Variants in GPC6 observed in about 807,000 individuals in gnomAD.
GPC6 encodes the protein glypican 6, also known as glypican-6.
GPC6 carries 14 observed loss-of-function variants against 55.2 expected under a neutral mutation model. That is an observed-to-expected ratio of 0.25 (90% confidence interval 0.17 to 0.40). The LOEUF is 0.40. GPC6 is among the 10% of genes least tolerant of loss of function. The pLI is 1.00. For missense variants in GPC6, 641 were observed against 708.5 expected, an observed-to-expected ratio of 0.90 and a Z score of 1.08; for synonymous variants, 278 against 259.6, an observed-to-expected ratio of 1.07 and a Z score of -0.68.
intron 2 of GPC6, among the ~76,000 whole-genome samples, chr13:93,722,909 G>A (rs1420435242): frequency 6.6e-6 from 1 of 151,726 alleles, no homozygotes; most frequent in Non-Finnish European, 1.5e-5. Context: ...AAGGACACTA[G>A]TCATATTGGA....
chr13:94,336,394 C>T (rs923982985), intron 6 of GPC6, among the ~76,000 whole-genome samples: 4 of 152,246 alleles, frequency 2.6e-5, no homozygotes, highest in African/African-American at 9.6e-5. Flanking sequence ...GTTGTGGCTG[C>T]CAGTGATTCC....
In GPC6 at chr13:94,406,495, TTGTATCACCTGCTTTAAA is replaced by T. The variant is rs1298949040; in HGVS notation, c.*3283_*3300del. ...ACTTACCTAGCTAGCATCAAGTAAC[TTGTATCACCTGCTTTAAA>T]TGTAAGGGATAGAAAATACTATTTT... On this transcript the variant is annotated 3_prime_UTR_variant, in exon 9 of 9. Transcript: ENST00000377047. 2 of 152,164 alleles carry T rather than the reference TTGTATCACCTGCTTTAAA, an allele frequency of 1.3e-5. No individual in the cohort carries two copies. The highest frequency in any genetic ancestry group is 2.9e-5 in the Non-Finnish European group (2 of 67,984). The allele number at this position is 152,164 out of a possible 1,614,324, so 9.4% of individuals were successfully genotyped here. A position where few individuals can be genotyped will look rare whatever the true frequency, so the allele number is the denominator to read the frequency against.
chr13:94,136,438 C>T (rs189848016), intron 4 of GPC6, among the ~76,000 whole-genome samples: 64 of 152,224 alleles, frequency 4.2e-4, no homozygotes, highest in East Asian at 1.9e-4. Context: ...TTGCTGGGCG[C>T]GGTGGCTCAC....
Position 94,292,230 on chromosome 13 carries a change from C to A in GPC6, c.1008+5751C>A, listed in dbSNP as rs1332028190. ...GCAAAGGGTAGAAGAGCATCTGATT[C>A]CAAAGCCCATCTCGCTAATCGATGC... is the stretch of plus-strand genomic sequence containing the variant. On this transcript the variant is annotated intron_variant, in intron 5 of 8. Coordinates refer to ENST00000377047, the MANE Select transcript of GPC6 (RefSeq NM_005708.5). Among the ~76,000 whole-genome samples the A allele has an allele frequency of 2.0e-5, 3 of 149,474 alleles. No individual in the cohort carries two copies. In the Admixed American group the frequency reaches 2.0e-4, roughly 10 times the overall value.
chr13:93,942,665 T>A (rs1878796116), intron 3 of GPC6, among the ~76,000 whole-genome samples: 1 of 152,124 alleles, frequency 6.6e-6, no homozygotes, highest in Non-Finnish European at 1.5e-5. Context: ...ATTTCATCAC[T>A]GTTGCCATAG....
chr13:93,941,640 A>G (rs1246545859), intron 3 of GPC6, among the ~76,000 whole-genome samples: 1 of 152,222 alleles, frequency 6.6e-6, no homozygotes, highest in Non-Finnish European at 1.5e-5. Flanking sequence ...TTCCACATGA[A>G]TGAACCAAGA....
At chr13:93,260,731 A>G (rs1357015358) in intron 1 of GPC6, among the ~76,000 whole-genome samples, 1 of 152,044 alleles carries the variant, frequency 6.6e-6, no homozygotes, top group African/African-American at 2.4e-5. Flanking sequence ...CCTTAGTACC[A>G]TTTTTCATAG....
intron 2 of GPC6, among the ~76,000 whole-genome samples, chr13:93,789,611 A>AATAC (rs1179251753): frequency 0.026 from 342 of 13,392 alleles, 15 homozygotes; most frequent in African/African-American, 0.09. Flanking sequence ...ATATATATAT[A>AATAC]TATATATATA....
At chr13:93,938,017 C>G (rs1369232269) in intron 3 of GPC6, among the ~76,000 whole-genome samples, 1 of 151,960 alleles carries the variant, frequency 6.6e-6, no homozygotes, top group African/African-American at 2.4e-5. Context: ...ATTATAATAC[C>G]CTTAATTAGT....
intron 4 of GPC6, among the ~76,000 whole-genome samples, chr13:94,127,339 T>G (rs1886854234): frequency 6.6e-6 from 1 of 152,058 alleles, no homozygotes; most frequent in African/African-American, 2.4e-5. Flanking sequence ...GTGCTGGTCT[T>G]GTGATAGTGA....
At chr13:93,634,381 A>T (rs1189102559) in intron 2 of GPC6, among the ~76,000 whole-genome samples, 1 of 152,188 alleles carries the variant, frequency 6.6e-6, no homozygotes, top group Non-Finnish European at 1.5e-5. Context: ...TAAAATTTAG[A>T]AATGGCCAAG....
At chr13:94,277,853 C>T (rs1169618530) in intron 4 of GPC6, among the ~76,000 whole-genome samples, 1 of 152,080 alleles carries the variant, frequency 6.6e-6, no homozygotes, top group Non-Finnish European at 1.5e-5. Flanking sequence ...ATAGTTTGAA[C>T]TCAGGTAGCA....
intron 6 of GPC6, among the ~76,000 whole-genome samples, chr13:94,363,414 C>A (rs759859639): frequency 6.6e-6 from 1 of 152,182 alleles, no homozygotes; most frequent in Non-Finnish European, 1.5e-5. Context: ...CGATTCAGTT[C>A]TTTCCTGCTG....
At chr13:93,808,842 G>A (rs749522168) in intron 2 of GPC6, among the ~76,000 whole-genome samples, 19 of 152,142 alleles carry the variant, frequency 1.2e-4, no homozygotes, top group Non-Finnish European at 2.2e-4. Context: ...GGGAGCATGT[G>A]TAGAGATAAC....
chr13:93,747,504 G>A (rs921594835), intron 2 of GPC6, among the ~76,000 whole-genome samples: 20 of 152,116 alleles, frequency 1.3e-4, no homozygotes, highest in Admixed American at 8.5e-4. Flanking sequence ...TGTCGCTGTC[G>A]CATTCCCATC....
At chr13:93,707,593 A>G (rs1267266671) in intron 2 of GPC6, among the ~76,000 whole-genome samples, 1 of 151,790 alleles carries the variant, frequency 6.6e-6, no homozygotes, top group Non-Finnish European at 1.5e-5. Flanking sequence ...AGGTGTTCCT[A>G]GACCAGGATA....
chr13:93,819,190 A>C (rs747149224), intron 2 of GPC6, among the ~76,000 whole-genome samples: 1 of 152,168 alleles, frequency 6.6e-6, no homozygotes, highest in Admixed American at 6.5e-5. Context: ...GAGCCTACAC[A>C]ATCTTTTGTT....
chr13:93,813,816 G>A (rs116069878), intron 2 of GPC6, among the ~76,000 whole-genome samples: 2,132 of 149,892 alleles, frequency 0.014, 43 homozygotes, highest in African/African-American at 0.05. Flanking sequence ...TAAAAAATGA[G>A]CAAAACTTTT....
chr13:93,267,243 A>G (rs1877354090), intron 1 of GPC6, among the ~76,000 whole-genome samples: 1 of 152,132 alleles, frequency 6.6e-6, no homozygotes, highest in South Asian at 2.1e-4. Flanking sequence ...AAGGATAAAA[A>G]TTTTTAGAAA....
Sources: allele counts gnomAD v4.1 joint callset (sites outside exome capture counted in the v4.1 genomes callset), GRCh38; gene constraint gnomAD v4.1.1; transcripts MANE v1.5; gene names NCBI Gene and HGNC (gene_info 2026-07-23, HGNC 2026-07-21).